The following NAA50 variants were observed in gnomAD, a reference collection of about 807,000 sequenced individuals.
NAA50 encodes N-alpha-acetyltransferase 50, NatE catalytic subunit.
A neutral mutation model predicts 20.7 loss-of-function variants in NAA50; 7 were observed. That is an observed-to-expected ratio of 0.34 (90% CI 0.19 to 0.63). The LOEUF is 0.63. Among genes scored for constraint, NAA50 ranks in the 30% least tolerant of loss-of-function variants. The pLI, the probability that NAA50 is intolerant of heterozygous loss-of-function variation, is 0.75. For synonymous variants in NAA50, 54 were observed against 70.6 expected (o/e 0.77, Z 1.18); for missense variants, 111 against 199.1 (o/e 0.56, Z 2.66).
intron 1 of NAA50, 69 bp downstream of exon 1, chr3:113,745,873 C>A (rs376908458): frequency 6.5e-6 from 10 of 1,544,694 alleles, no homozygotes; most frequent in Non-Finnish European, 7.9e-6. Context: ...CTTTGCGGCT[C>A]TCCCCCTCTA....
intron 1 of NAA50, among the ~76,000 whole-genome samples, chr3:113,732,190 G>A (rs778939435): frequency 3.9e-5 from 6 of 152,066 alleles, no homozygotes; most frequent in Admixed American, 2.6e-4. Flanking sequence ...TTATCCAGAC[G>A]GGCCTAATAT....
intron 1 of NAA50, 136 bp downstream of exon 1, chr3:113,745,806 G>A (rs1002858845): frequency 2.8e-6 from 3 of 1,076,262 alleles, no homozygotes; most frequent in Non-Finnish European, 3.8e-6. Flanking sequence ...GGAGCCGAGG[G>A]AACTGAGAAG....
In NAA50 at chr3:113,723,950, A is replaced by G. The variant is rs758205036; in HGVS notation, c.145+9T>C. 1.8e-5 allele frequency: 29 copies of G among 1,569,134 alleles called. No individual in the cohort carries two copies. The highest frequency in any genetic ancestry group is 1.9e-5 in the Admixed American group (1 of 51,804). On this transcript the variant is annotated intron_variant, in intron 2 of 4. Transcript: ENST00000240922. The stretch of plus-strand genomic sequence containing the variant: ...AAGAAGGGAGGACAAAAAAAAAACT[A>G]TATTATACCAAGTTTTGCTAGCTCG...
chr3:113,745,225 C>T (rs1708474469), intron 1 of NAA50, among the ~76,000 whole-genome samples: 1 of 152,164 alleles, frequency 6.6e-6, no homozygotes, highest in Non-Finnish European at 1.5e-5. Context: ...TTAACTTTGC[C>T]AATCACCTGA....
chr3:113,742,027 T>A (rs1211618918), intron 1 of NAA50, among the ~76,000 whole-genome samples: 1 of 152,208 alleles, frequency 6.6e-6, no homozygotes, highest in Non-Finnish European at 1.5e-5. Context: ...CATTGATTTT[T>A]TAAAAAAACT....
intron 1 of NAA50, among the ~76,000 whole-genome samples, chr3:113,726,000 C>G (rs1708193984): frequency 6.6e-6 from 1 of 152,136 alleles, no homozygotes; most frequent in South Asian, 2.1e-4. Context: ...CAGCATAAAG[C>G]ATCGTTTCTG....
Position 113,746,179 on chromosome 3 carries a change from G to C in NAA50, c.-230C>G. ...CGCTTGTGCCGCCGCTTCTCCACAC[G>C]TGCACTCGGGTCTCTCGGCTCCCTC... On this transcript the variant is annotated 5_prime_UTR_variant, in exon 1 of 5. Transcript: ENST00000240922. The C allele has an allele frequency of 1.9e-6, 1 of 534,848 alleles. No homozygotes were observed. The highest frequency in any genetic ancestry group is 3.3e-6 in the Non-Finnish European group (1 of 306,750). The allele number at this position is 534,848 out of a possible 1,614,324, so 33.1% of individuals were successfully genotyped here. A position where few individuals can be genotyped will look rare whatever the true frequency, so the allele number is the denominator to read the frequency against.
At chr3:113,724,377 T>C (rs1444716899) in intron 1 of NAA50, among the ~76,000 whole-genome samples, 2 of 152,250 alleles carry the variant, frequency 1.3e-5, no homozygotes, top group Admixed American at 1.3e-4. Context: ...ATTTTCCTTG[T>C]AGTTCATAGT....
At position 113,719,955 on chromosome 3, in the gene NAA50, G is replaced by C. The variant is rs1177951599; in HGVS notation, c.*1805C>G. 1 of 152,632 alleles carries C rather than the reference G, an allele frequency of 6.6e-6. No homozygotes were observed. The highest frequency in any genetic ancestry group is 1.5e-5 in the Non-Finnish European group (1 of 68,030). The allele number at this position is 152,632 out of a possible 1,614,324, so 9.5% of individuals were successfully genotyped here. The stretch of plus-strand genomic sequence containing the variant: ...AGCACTCTTCTCTTGCCAAGAGCAA[G>C]CTGAAGCTTATTCATGAAGATAAAG... On this transcript the variant is annotated 3_prime_UTR_variant, in exon 5 of 5. Coordinates refer to ENST00000240922, the MANE Select transcript of NAA50 (RefSeq NM_025146.4).
At chr3:113,734,598 T>A (rs1475797499) in intron 1 of NAA50, among the ~76,000 whole-genome samples, 1 of 152,240 alleles carries the variant, frequency 6.6e-6, no homozygotes, top group African/African-American at 2.4e-5. Context: ...ATTCCTCGTT[T>A]ATTTCTTACT....
intron 1 of NAA50, among the ~76,000 whole-genome samples, chr3:113,742,920 A>G (rs1282328651): frequency 6.6e-6 from 1 of 152,186 alleles, no homozygotes; most frequent in Non-Finnish European, 1.5e-5. Context: ...AGTCATGGTT[A>G]TCTGTGGCAT....
In NAA50 at chr3:113,719,694, A is replaced by G. The variant is rs1157667699; in HGVS notation, c.*2066T>C. On this transcript the variant is annotated 3_prime_UTR_variant, in exon 5 of 5. Coordinates refer to ENST00000240922, the MANE Select transcript of NAA50 (RefSeq NM_025146.4). ...GCCTACACACTCAATTCAAAATTTA[A>G]TATTTTTTCCTCCTTAAATAACATG... 1.3e-5 allele frequency: 2 copies of G among 152,632 alleles called. No homozygotes were observed. The highest frequency in any genetic ancestry group is 2.9e-5 in the Non-Finnish European group (2 of 68,028). The allele number at this position is 152,632 out of a possible 1,614,324, so 9.5% of individuals were successfully genotyped here. A position where few individuals can be genotyped will look rare whatever the true frequency, so the allele number is the denominator to read the frequency against.
chr3:113,740,393 CCT>C (rs1251340574), intron 1 of NAA50, among the ~76,000 whole-genome samples: 2 of 152,068 alleles, frequency 1.3e-5, no homozygotes, highest in African/African-American at 2.4e-5. Context: ...ACAGGGTCTC[CCT>C]CTGTCACCCA....
At chr3:113,726,203 G>C (rs2107986147) in intron 1 of NAA50, among the ~76,000 whole-genome samples, 2 of 151,948 alleles carry the variant, frequency 1.3e-5, no homozygotes, top group South Asian at 4.2e-4. Context: ...TTAGTAAAAG[G>C]GTAAGAGATT....
At chr3:113,731,799 A>G (rs191907136) in intron 1 of NAA50, among the ~76,000 whole-genome samples, 1 of 152,168 alleles carries the variant, frequency 6.6e-6, no homozygotes, top group African/African-American at 2.4e-5. Flanking sequence ...CAGCAGTCTG[A>G]TCTTTTTATT....
intron 1 of NAA50, among the ~76,000 whole-genome samples, chr3:113,736,374 GA>G (rs1708341828): frequency 6.6e-6 from 1 of 152,154 alleles, no homozygotes; most frequent in East Asian, 1.9e-4. Context: ...CCTTAAATGT[GA>G]AAAATGCAGT....
chr3:113,735,850 T>C (rs1708334158), intron 1 of NAA50, among the ~76,000 whole-genome samples: 1 of 152,208 alleles, frequency 6.6e-6, no homozygotes, highest in African/African-American at 2.4e-5. Context: ...GCCCAGCTAA[T>C]TTTTGCATTT....
intron 1 of NAA50, among the ~76,000 whole-genome samples, chr3:113,735,544 G>A (rs951234302): frequency 1.3e-5 from 2 of 152,202 alleles, no homozygotes; most frequent in Non-Finnish European, 2.9e-5. Flanking sequence ...GCTTACTTCT[G>A]TTAAGAATGT....
At chr3:113,729,534 T>TTTTC (rs149667287) in intron 1 of NAA50, among the ~76,000 whole-genome samples, 2 of 148,868 alleles carry the variant, frequency 1.3e-5, no homozygotes, top group Non-Finnish European at 3.0e-5. Flanking sequence ...TAATACGCAG[T>TTTTC]TTTCTTTCTT....
Sources: allele counts gnomAD v4.1 joint callset (sites outside exome capture counted in the v4.1 genomes callset), GRCh38; gene constraint gnomAD v4.1.1; transcripts MANE v1.5; gene names NCBI Gene and HGNC (gene_info 2026-07-23, HGNC 2026-07-21).